TTC7B: variants seen among roughly 807,000 people sequenced by gnomAD.
TTC7B encodes the protein tetratricopeptide repeat domain 7B.
In TTC7B, 28 loss-of-function variants were observed where a neutral mutation model predicts 106.8. The ratio of observed to expected loss-of-function variants is 0.26; its 90% CI spans 0.19 to 0.36. The LOEUF is 0.36. Ranked by LOEUF, TTC7B falls within the 10% of genes least tolerant of loss-of-function variation. The pLI, the probability that TTC7B is intolerant of heterozygous loss-of-function variation, is 1.00. For synonymous variants in TTC7B, 405 were observed against 430.6 expected (o/e 0.94, Z 0.74); for missense variants, 862 against 1,076.4 (o/e 0.80, Z 2.79).
intron 9 of TTC7B, among the ~76,000 whole-genome samples, chr14:90,661,874 A>C (rs1886222361): frequency 6.6e-6 from 1 of 152,256 alleles, no homozygotes; most frequent in African/African-American, 2.4e-5. Context: ...TGCTATAAAT[A>C]AGTATGCACC....
At position 90,657,150 on chromosome 14, in the gene TTC7B, G is replaced by T. The variant is rs546136484; in HGVS notation, c.1341+24C>A. ...CTGGCCCAGAGTCCTCTGCAGGAGC[G>T]GGGAGGGGGGCGCCCCTACTCACCC... is the stretch of plus-strand genomic sequence containing the variant. On this transcript the variant is annotated intron_variant, in intron 11 of 19. Transcript: ENST00000328459. The surrounding 1 kb of genome is among the most constrained non-coding windows in gnomAD (Gnocchi z 4.2). 10 of 1,599,844 alleles carry T rather than the reference G, an allele frequency of 6.3e-6. No homozygotes were observed. The highest frequency in any genetic ancestry group is 1.3e-5 in the African/African-American group (1 of 74,782).
intron 12 of TTC7B, among the ~76,000 whole-genome samples, 180 bp downstream of exon 12, chr14:90,654,813 A>G (rs1333711327): frequency 1.3e-5 from 2 of 152,116 alleles, no homozygotes; most frequent in Non-Finnish European, 2.9e-5. Flanking sequence ...CTGCCCTCCC[A>G]TTCTCCCATC....
chr14:90,786,126 C>G, intron 2 of TTC7B, 48 bp downstream of exon 2: 1 of 1,499,666 alleles, frequency 6.7e-7, no homozygotes, highest in Non-Finnish European at 8.9e-7. Flanking sequence ...CTTCTCAACC[C>G]CACACTGTCC....
At chr14:90,564,013 C>CCTCCTG (rs1426468879) in intron 19 of TTC7B, among the ~76,000 whole-genome samples, 3 of 151,982 alleles carry the variant, frequency 2.0e-5, no homozygotes, top group African/African-American at 7.2e-5. Context: ...TTTCTTCCAA[C>CCTCCTG]CTCCTGTTAA....
At position 90,802,067 on chromosome 14, in the gene TTC7B, A is replaced by C. The variant is rs1276989134; in HGVS notation, c.121+14108T>G. 6.7e-6 allele frequency among the ~76,000 whole-genome samples: 1 copy of C among 149,748 alleles called. No individual in the cohort carries two copies. The highest frequency in any genetic ancestry group is 1.5e-5 in the Non-Finnish European group (1 of 67,006). The stretch of plus-strand genomic sequence containing the variant: ...CAAGAGCGAAAACTCCATCTCAGGA[A>C]GGAAAAAAAAAAAAAAGAAAGAAAG... On this transcript the variant is annotated intron_variant, in intron 1 of 19. Transcript: ENST00000328459. This position sits in a 1 kb window ranked among gnomAD's most constrained non-coding sequence, Gnocchi z 4.7.
Position 90,670,231 on chromosome 14 carries a change from A to C in TTC7B, c.1152+6292T>G, listed in dbSNP as rs1566828414. Among the ~76,000 whole-genome samples the C allele has an allele frequency of 2.0e-5, 3 of 152,362 alleles. No individual in the cohort carries two copies. In the East Asian group the frequency reaches 5.8e-4, roughly 29 times the overall value. On this transcript the variant is annotated intron_variant, in intron 9 of 19. Transcript: ENST00000328459. ...GGCTGAATCTTGAAAACATTAGGCT[A>C]AGTGAAGCAAGCCAGACATAAAAGA...
At chr14:90,716,375 T>C (rs1199127870) in intron 5 of TTC7B, among the ~76,000 whole-genome samples, 1 of 152,204 alleles carries the variant, frequency 6.6e-6, no homozygotes, top group Non-Finnish European at 1.5e-5. Flanking sequence ...TCACAGATTC[T>C]TTTGCTAAAA....
intron 17 of TTC7B, among the ~76,000 whole-genome samples, chr14:90,610,411 C>T (rs1892822902): frequency 6.6e-6 from 1 of 152,154 alleles, no homozygotes; most frequent in Admixed American, 6.5e-5. Context: ...AGGTCTGAAA[C>T]CCAAAGAGAG....
chr14:90,779,362 G>A (rs1424095002), intron 3 of TTC7B, among the ~76,000 whole-genome samples: 4 of 152,254 alleles, frequency 2.6e-5, no homozygotes, highest in South Asian at 2.1e-4. Context: ...GGAGTGCAAT[G>A]GCGCGATCTC....
In TTC7B at chr14:90,753,946, CACTA is replaced by C. The variant is rs552388600; in HGVS notation, c.446-9028_446-9025del. ...AGATGCTAGCTCAACCTGAAATGCT[CACTA>C]ACTGAGAGTTTGCAACTTGAATTTA... On this transcript the variant is annotated intron_variant, in intron 3 of 19. Coordinates refer to ENST00000328459, the MANE Select transcript of TTC7B (RefSeq NM_001010854.2). 2.4e-3 allele frequency among the ~76,000 whole-genome samples: 369 copies of C among 152,334 alleles called. 2 individuals are homozygous for C. The highest frequency in any genetic ancestry group is 8.7e-3 in the African/African-American group (360 of 41,572).
At chr14:90,739,040 A>G (rs1199840186) in intron 4 of TTC7B, among the ~76,000 whole-genome samples, 1 of 152,142 alleles carries the variant, frequency 6.6e-6, no homozygotes, top group East Asian at 1.9e-4. Flanking sequence ...ACAACAAAAA[A>G]ACACAGACAG....
At position 90,646,562 on chromosome 14, in the gene TTC7B, A is replaced by G. The variant is rs2277513; in HGVS notation, c.1590+389T>C. 3.9e-5 allele frequency among the ~76,000 whole-genome samples: 6 copies of G among 152,284 alleles called. No homozygotes were observed. The East Asian group carries it at 9.7e-4, about 25-fold the overall frequency. On this transcript the variant is annotated intron_variant, in intron 14 of 19. Transcript: ENST00000328459. Reference sequence around the variant, plus strand: ...ACACCCTTATGACAACCAGACGCCAATCAGGGCTAAATCCCCACCATGCAG... The same window carrying G: ...ACACCCTTATGACAACCAGACGCCAGTCAGGGCTAAATCCCCACCATGCAG...
At chr14:90,725,828 G>A (rs1437587008) in intron 5 of TTC7B, among the ~76,000 whole-genome samples, 2 of 152,214 alleles carry the variant, frequency 1.3e-5, no homozygotes, top group Non-Finnish European at 2.9e-5. Context: ...ACTACAATCC[G>A]TTTTGCCTAC....
intron 5 of TTC7B, among the ~76,000 whole-genome samples, chr14:90,723,547 C>G (rs2139981369): frequency 1.3e-5 from 2 of 152,292 alleles, no homozygotes; most frequent in South Asian, 4.1e-4. Context: ...AAGCTCTTTC[C>G]CGGGTCAAGA....
chr14:90,677,773 G>T (rs1231205355), intron 8 of TTC7B: 2 of 450,270 alleles, frequency 4.4e-6, no homozygotes, highest in Non-Finnish European at 8.9e-6. Context: ...CATTTTCTTT[G>T]TGTGTGAGTC....
chr14:90,585,093 G>A (rs1409310510), intron 18 of TTC7B, among the ~76,000 whole-genome samples: 2 of 152,284 alleles, frequency 1.3e-5, no homozygotes, highest in East Asian at 1.9e-4. Context: ...AGCTTCCCTC[G>A]GCCAGGCCCC....
At chr14:90,793,737 T>C (rs1217943701) in intron 1 of TTC7B, among the ~76,000 whole-genome samples, 1 of 150,828 alleles carries the variant, frequency 6.6e-6, no homozygotes, top group African/African-American at 2.4e-5. Flanking sequence ...GCCTCCCGAG[T>C]AGCTGGGATT....
intron 15 of TTC7B, among the ~76,000 whole-genome samples, chr14:90,640,656 T>C (rs1184266479): frequency 6.6e-6 from 1 of 152,250 alleles, no homozygotes; most frequent in Non-Finnish European, 1.5e-5. Flanking sequence ...TAAAATACCA[T>C]ATTTGAACAT....
At chr14:90,637,282 C>T (rs1436891414) in intron 15 of TTC7B, among the ~76,000 whole-genome samples, 1 of 151,218 alleles carries the variant, frequency 6.6e-6, no homozygotes, top group African/African-American at 2.4e-5. Context: ...TGGACAAATC[C>T]TTACATATAA....
Sources: allele counts gnomAD v4.1 joint callset (sites outside exome capture counted in the v4.1 genomes callset), GRCh38; gene constraint gnomAD v4.1.1; non-coding constraint Gnocchi (gnomAD v3.1); transcripts MANE v1.5; gene names NCBI Gene and HGNC (gene_info 2026-07-23, HGNC 2026-07-21).